Variants in C8orf34 observed in about 807,000 individuals in gnomAD.
C8orf34 encodes the protein chromosome 8 open reading frame 34, also known as uncharacterized protein C8orf34.
A neutral mutation model predicts 68.3 loss-of-function variants in C8orf34; 65 were observed. That is an observed-to-expected ratio of 0.95 (90% CI 0.78 to 1.17). The LOEUF is 1.17. Among genes scored for constraint, C8orf34 ranks in the 50% most tolerant of loss-of-function variants. The probability of loss-of-function intolerance (pLI) is 0.00; values close to 1 mark genes in which losing one functional copy is unlikely to be tolerated. For synonymous variants in C8orf34, 244 were observed against 241.2 expected (o/e 1.01, Z -0.11); for missense variants, 664 against 655.4 (o/e 1.01, Z -0.14).
intron 9 of C8orf34, among the ~76,000 whole-genome samples, chr8:68,720,930 T>A (rs923989423): frequency 6.6e-6 from 1 of 151,922 alleles, no homozygotes; most frequent in African/African-American, 2.4e-5. Flanking sequence ...TTTCAGAATG[T>A]TCCATTCCAT....
intron 3 of C8orf34, chr8:68,447,583 A>G (rs1385098587): frequency 1.3e-5 from 2 of 152,202 alleles, no homozygotes; most frequent in African/African-American, 4.8e-5. Context: ...GTTTGATTTT[A>G]GTTTCAACAG....
At chr8:68,486,298 A>G (rs1474562309) in intron 4 of C8orf34, among the ~76,000 whole-genome samples, 1 of 152,122 alleles carries the variant, frequency 6.6e-6, no homozygotes, top group Non-Finnish European at 1.5e-5. Flanking sequence ...CTCAGCAGTG[A>G]TACAGCCCAG....
At chr8:68,705,367 G>C (rs1197376274) in intron 8 of C8orf34, among the ~76,000 whole-genome samples, 13 of 152,148 alleles carry the variant, frequency 8.5e-5, no homozygotes, top group Admixed American at 8.5e-4. Context: ...GGTTTACAAA[G>C]AGAGAAAGCC....
chr8:68,532,028 G>A (rs1000743923), intron 6 of C8orf34, among the ~76,000 whole-genome samples: 3 of 152,060 alleles, frequency 2.0e-5, no homozygotes, highest in Non-Finnish European at 4.4e-5. Flanking sequence ...ATTCTCACTG[G>A]CAATACATGG....
intron 7 of C8orf34, among the ~76,000 whole-genome samples, chr8:68,593,442 G>A (rs1170332340): frequency 3.3e-5 from 5 of 151,820 alleles, no homozygotes; most frequent in Non-Finnish European, 5.9e-5. Flanking sequence ...AAAATATGCC[G>A]GGTCCATCTT....
chr8:68,622,912 G>A (rs760674500), intron 7 of C8orf34, among the ~76,000 whole-genome samples: 1 of 152,128 alleles, frequency 6.6e-6, no homozygotes, highest in Non-Finnish European at 1.5e-5. Flanking sequence ...TAAAATGTTC[G>A]TATATATCAT....
chr8:68,697,808 A>T (rs1442538239), intron 8 of C8orf34, among the ~76,000 whole-genome samples: 1 of 152,116 alleles, frequency 6.6e-6, no homozygotes, highest in Non-Finnish European at 1.5e-5. Context: ...CAATTTAGGA[A>T]AGTGATCCCT....
At chr8:68,403,724 T>A (rs1178077251) in intron 1 of C8orf34, among the ~76,000 whole-genome samples, 1 of 152,204 alleles carries the variant, frequency 6.6e-6, no homozygotes, top group Non-Finnish European at 1.5e-5. Context: ...TCATCTTTTT[T>A]ATGGCTGCAT....
At chr8:68,661,447 CA>C (rs1819676880) in intron 8 of C8orf34, among the ~76,000 whole-genome samples, 1 of 152,174 alleles carries the variant, frequency 6.6e-6, no homozygotes, top group Non-Finnish European at 1.5e-5. Context: ...GTCTCACAAC[CA>C]GGAAGAATTA....
In C8orf34 at chr8:68,592,899, T is replaced by C. The variant is rs116107089; in HGVS notation, c.1106-47477T>C. On this transcript the variant is annotated intron_variant, in intron 7 of 13. Coordinates refer to ENST00000518698, the MANE Select transcript of C8orf34 (RefSeq NM_052958.4). ...TAAGTATCTCTTCTTTTTTAATCCT[T>C]CCATCTTTTGTTCTTTTTCTTCTTT... is the stretch of plus-strand genomic sequence containing the variant. Among the ~76,000 whole-genome samples the C allele has an allele frequency of 3.7e-3, 567 of 152,202 alleles. 2 individuals are homozygous for C. Among genetic ancestry groups the C allele is most frequent in the African/African-American group, 0.013 (535 of 41,538 alleles).
chr8:68,401,861 TTGTG>T (rs34713905), intron 1 of C8orf34, among the ~76,000 whole-genome samples: 188 of 149,060 alleles, frequency 1.3e-3, no homozygotes, highest in African/African-American at 4.1e-3. Flanking sequence ...CAGTTCTCTT[TTGTG>T]TGTGTGTGTG....
chr8:68,625,323 G>C (rs1818507202), intron 7 of C8orf34: 1 of 380,300 alleles, frequency 2.6e-6, no homozygotes, highest in African/African-American at 2.1e-5. Context: ...TAATTTTTAA[G>C]TTTTCTCTTA....
intron 7 of C8orf34, among the ~76,000 whole-genome samples, chr8:68,623,431 T>C (rs996987166): frequency 6.6e-6 from 1 of 152,056 alleles, no homozygotes; most frequent in African/African-American, 2.4e-5. Flanking sequence ...GTTATGACAA[T>C]AGAAAATGTC....
intron 7 of C8orf34, among the ~76,000 whole-genome samples, chr8:68,595,692 C>T (rs1341068159): frequency 2.0e-5 from 3 of 152,058 alleles, no homozygotes; most frequent in Non-Finnish European, 2.9e-5. Context: ...CTTTTCTCTT[C>T]ACCTGAGACA....
chr8:68,737,229 T>A (rs537917254), intron 10 of C8orf34, among the ~76,000 whole-genome samples: 1 of 152,118 alleles, frequency 6.6e-6, no homozygotes, highest in Non-Finnish European at 1.5e-5. Context: ...GAAAATAAAT[T>A]GCTCCATATC....
In C8orf34 at chr8:68,546,134, A is replaced by C. The variant is rs145465095; in HGVS notation, c.1105+12985A>C. Among the ~76,000 whole-genome samples the C allele has an allele frequency of 7.5e-3, 1,145 of 152,240 alleles. 10 individuals are homozygous for C. Among genetic ancestry groups the C allele is most frequent in the Non-Finnish European group, 0.013 (882 of 67,968 alleles). On this transcript the variant is annotated intron_variant, in intron 7 of 13. Transcript: ENST00000518698. ...TATAAAACATCACATAGAATACTAA[A>C]ATATATTTGACTAAGGAGGAACTAA...
At chr8:68,746,229 C>G (rs1822487636) in intron 10 of C8orf34, among the ~76,000 whole-genome samples, 1 of 151,506 alleles carries the variant, frequency 6.6e-6, no homozygotes, top group Non-Finnish European at 1.5e-5. Flanking sequence ...CGGACACATT[C>G]AAAGCAGTGT....
chr8:68,730,469 C>T (rs2129526835), intron 10 of C8orf34, among the ~76,000 whole-genome samples: 3 of 152,170 alleles, frequency 2.0e-5, no homozygotes, highest in Middle Eastern at 6.8e-3. Flanking sequence ...TTCCTTTTGA[C>T]ATTTCAGGTC....
At chr8:68,625,587 G>A (rs898744386) in intron 7 of C8orf34, 14 of 701,230 alleles carry the variant, frequency 2.0e-5, no homozygotes, top group Non-Finnish European at 3.4e-5. Context: ...ATGGAAAATG[G>A]ATTTACAATG....
Sources: allele counts gnomAD v4.1 joint callset (sites outside exome capture counted in the v4.1 genomes callset), GRCh38; gene constraint gnomAD v4.1.1; transcripts MANE v1.5; gene names NCBI Gene and HGNC (gene_info 2026-07-23, HGNC 2026-07-21).